Variants in CNIH4 observed in about 807,000 individuals in gnomAD.
CNIH4 encodes cornichon family member 4.
In CNIH4, 9 loss-of-function variants were observed where a neutral mutation model predicts 21.5. The ratio of observed to expected loss-of-function variants is 0.42; its 90% CI spans 0.25 to 0.73. The LOEUF is 0.73. Ranked by LOEUF, CNIH4 falls within the 30% of genes least tolerant of loss-of-function variation. CNIH4 has a pLI of 0.27. For missense variants in CNIH4, 159 were observed against 170.0 expected (o/e 0.94, Z 0.36); for synonymous variants, 67 against 59.1 (o/e 1.13, Z -0.61).
intron 2 of CNIH4, among the ~76,000 whole-genome samples, chr1:224,363,523 A>C (rs1672360989): frequency 6.6e-6 from 1 of 152,162 alleles, no homozygotes; most frequent in Non-Finnish European, 1.5e-5. Context: ...ACAGTGGCAC[A>C]ATCATATTTC....
chr1:224,371,260 G>A (rs182847723), intron 3 of CNIH4, 23 bp from the exon 4 acceptor site: 4 of 1,602,726 alleles, frequency 2.5e-6, no homozygotes, highest in African/African-American at 1.3e-5. Flanking sequence ...TCCTTCTAAT[G>A]TGTGTATCCT....
chr1:224,372,846 C>G (rs1672673545), intron 4 of CNIH4, among the ~76,000 whole-genome samples: 2 of 151,708 alleles, frequency 1.3e-5, no homozygotes, highest in South Asian at 4.2e-4. Context: ...TCCCAAAGTG[C>G]TGGGATTACA....
chr1:224,365,222 A>G (rs772320133), intron 2 of CNIH4, among the ~76,000 whole-genome samples: 9 of 152,194 alleles, frequency 5.9e-5, no homozygotes, highest in Non-Finnish European at 1.2e-4. Flanking sequence ...ACTCATAGGA[A>G]AGGAAAGCTG....
In CNIH4 at chr1:224,365,896, G is replaced by A. The variant is rs371904070; in HGVS notation, c.156G>A (p.Leu52=). 2.2e-5 allele frequency: 35 copies of A among 1,607,498 alleles called. No homozygotes were observed. The highest frequency in any genetic ancestry group is 2.7e-5 in the Non-Finnish European group (32 of 1,174,082). The change falls in exon 3 of 5, where the codon TTG becomes TTA. Residue 52 remains leucine, a synonymous_variant. Transcript: ENST00000465271. ...SKLNKWVIPE[L]IGHTIVTVLL... ...CATTGCAGTGGGTAATTCCAGAATTGATTGGCCATACCATTGTCACTGTAT... is the reference window on the plus strand; with the variant it reads ...CATTGCAGTGGGTAATTCCAGAATTAATTGGCCATACCATTGTCACTGTAT...
Position 224,371,438 on chromosome 1 carries a change from C to T in CNIH4, c.392+15C>T, listed in dbSNP as rs201958871. On this transcript the variant is annotated intron_variant, in intron 4 of 4. Coordinates refer to ENST00000465271, the MANE Select transcript of CNIH4 (RefSeq NM_014184.4). ...TATCTTTATAGGTGAGTTTAAAGTC[C>T]TGGTATTTTCCTAGATGCCATATTT... The T allele has an allele frequency of 6.2e-7, 1 of 1,605,424 alleles. No homozygotes were observed. Among genetic ancestry groups the T allele is most frequent in the Admixed American group, 1.7e-5 (1 of 58,110 alleles).
Position 224,379,231 on chromosome 1 carries a change from A to G in CNIH4, c.*3409A>G. On this transcript the variant is annotated 3_prime_UTR_variant, in exon 5 of 5. Coordinates refer to ENST00000465271, the MANE Select transcript of CNIH4 (RefSeq NM_014184.4). ...GGACAAAACCTGACCTGGTCTTTGA[A>G]GTTAAGAGCTAAGAAAGCTTCCTAT... 1 of 818,384 alleles carries G rather than the reference A, an allele frequency of 1.2e-6. No homozygotes were observed. Among genetic ancestry groups the G allele is most frequent in the Non-Finnish European group, 2.0e-6 (1 of 498,100 alleles). The allele number at this position is 818,384 out of a possible 1,614,324, so 50.7% of individuals were successfully genotyped here. A position where few individuals can be genotyped will look rare whatever the true frequency, so the allele number is the denominator to read the frequency against.
At chr1:224,365,127 C>T (rs1672413668) in intron 2 of CNIH4, among the ~76,000 whole-genome samples, 1 of 152,144 alleles carries the variant, frequency 6.6e-6, no homozygotes, top group Admixed American at 6.5e-5. Context: ...TTTTGTTTTC[C>T]TCATTTCTGA....
rs1672136574 is a variant in CNIH4, at chr1:224,357,064, G to A, written c.69+71G>A. On this transcript the variant is annotated intron_variant, in intron 1 of 4. Transcript: ENST00000465271. ...TGAGGGTGGGCCAGTTGGGCACCCG[G>A]GCAGGTGTGTGGGACTAGGGAGGCG... 16 of 1,543,112 alleles carry A rather than the reference G, an allele frequency of 1.0e-5. 1 individual carries two copies. The highest frequency in any genetic ancestry group is 1.7e-4 in the Middle Eastern group (1 of 5,980).
At chr1:224,372,342 G>GA (rs1053122177) in intron 4 of CNIH4, among the ~76,000 whole-genome samples, 6 of 151,476 alleles carry the variant, frequency 4.0e-5, no homozygotes, top group South Asian at 4.2e-4. Flanking sequence ...GAGCAAAGGA[G>GA]AAAAAAAAAT....
At chr1:224,364,735 C>T (rs1672400067) in intron 2 of CNIH4, among the ~76,000 whole-genome samples, 1 of 152,086 alleles carries the variant, frequency 6.6e-6, no homozygotes, top group Non-Finnish European at 1.5e-5. Context: ...GAGATTGAGA[C>T]CATCCTGGCC....
intron 2 of CNIH4, among the ~76,000 whole-genome samples, chr1:224,362,572 C>T (rs1441455827): frequency 6.8e-6 from 1 of 147,906 alleles, no homozygotes; most frequent in Non-Finnish European, 1.5e-5. Context: ...TCACTGCAAG[C>T]TCTACCTCCC....
At chr1:224,363,748 T>C (rs2102854880) in intron 2 of CNIH4, among the ~76,000 whole-genome samples, 1 of 152,342 alleles carries the variant, frequency 6.6e-6, no homozygotes, top group East Asian at 1.9e-4. Context: ...AAATTTCTGA[T>C]ATATGACTGC....
intron 3 of CNIH4, 46 bp downstream of exon 3, chr1:224,366,037 A>T (rs756655905): frequency 2.5e-5 from 32 of 1,259,302 alleles, no homozygotes; most frequent in Non-Finnish European, 3.4e-5. Flanking sequence ...TTAAAAAAAA[A>T]TTTAAAAAGT....
intron 1 of CNIH4, chr1:224,357,720 C>G (rs1309634853): frequency 6.6e-6 from 1 of 152,204 alleles, no homozygotes; most frequent in Non-Finnish European, 1.5e-5. Flanking sequence ...TGCTGTAGTT[C>G]CCAATCGTTT....
At chr1:224,364,396 G>A in intron 2 of CNIH4, 1 of 983,572 alleles carries the variant, frequency 1.0e-6, no homozygotes, top group South Asian at 4.7e-5. Context: ...TTTATTGAGT[G>A]CCTACTTTGC....
intron 3 of CNIH4, among the ~76,000 whole-genome samples, chr1:224,366,911 T>C (rs1672477305): frequency 6.7e-6 from 1 of 149,106 alleles, no homozygotes; most frequent in South Asian, 2.1e-4. Context: ...TGAAGTGAGC[T>C]GAGGTCACGC....
intron 1 of CNIH4, among the ~76,000 whole-genome samples, chr1:224,358,900 G>A (rs1470740518): frequency 6.6e-6 from 1 of 152,196 alleles, no homozygotes; most frequent in Non-Finnish European, 1.5e-5. Flanking sequence ...TAGAATAGTT[G>A]CACTAACTTA....
In CNIH4 at chr1:224,377,011, G is replaced by GGT; in HGVS notation, c.*1195_*1196dup. 2 of 667,452 alleles carry GGT rather than the reference G, an allele frequency of 3.0e-6. No homozygotes were observed. The highest frequency in any genetic ancestry group is 3.7e-6 in the Non-Finnish European group (2 of 539,778). 41.3% of individuals were successfully genotyped at this position (667,452 alleles called of 1,614,324 possible). ...GAGATAGAATTGGGTGGCTAAACAG[G>GGT]GTGTGTGGTACCCAAAAGATTAAAT... On this transcript the variant is annotated 3_prime_UTR_variant, in exon 5 of 5. Transcript: ENST00000465271.
intron 3 of CNIH4, among the ~76,000 whole-genome samples, chr1:224,369,418 C>T (rs548951170): frequency 4.9e-4 from 75 of 152,006 alleles, no homozygotes; most frequent in Middle Eastern, 3.4e-3. Flanking sequence ...ACTAAAAATA[C>T]AAAAATTAGC....
Sources: allele counts gnomAD v4.1 joint callset (sites outside exome capture counted in the v4.1 genomes callset), GRCh38; gene constraint gnomAD v4.1.1; transcripts MANE v1.5; gene names NCBI Gene and HGNC (gene_info 2026-07-23, HGNC 2026-07-21).